PSTPIP1: variants seen among roughly 807,000 people sequenced by gnomAD.
The protein encoded by PSTPIP1 is proline-serine-threonine phosphatase interacting protein 1.
A neutral mutation model predicts 69.6 loss-of-function variants in PSTPIP1; 66 were observed. The ratio of observed to expected loss-of-function variants is 0.95; its 90% CI spans 0.78 to 1.16. The LOEUF (loss-of-function observed/expected upper bound fraction) is 1.16. Ranked by LOEUF, PSTPIP1 falls within the 50% of genes most tolerant of loss-of-function variation. PSTPIP1 has a pLI of 0.00. For synonymous variants in PSTPIP1, 266 were observed against 222.7 expected, an observed-to-expected ratio of 1.19 and a Z score of -1.73; for missense variants, 603 against 557.4, an observed-to-expected ratio of 1.08 and a Z score of -0.82.
chr15:77,017,752 C>T (rs977990120), intron 1 of PSTPIP1, among the ~76,000 whole-genome samples: 2 of 152,224 alleles, frequency 1.3e-5, no homozygotes, highest in African/African-American at 4.8e-5. Context: ...CTCGGTTTCC[C>T]CACTTAGCTG....
intron 11 of PSTPIP1, 54 bp from the exon 12 acceptor site, chr15:77,032,808 G>A: frequency 1.4e-6 from 2 of 1,453,502 alleles, no homozygotes; most frequent in Non-Finnish European, 1.9e-6. Context: ...AGTCTGGCAG[G>A]GCCAGAATGG....
At chr15:77,006,921 C>T (rs1393658438) in intron 1 of PSTPIP1, among the ~76,000 whole-genome samples, 2 of 152,152 alleles carry the variant, frequency 1.3e-5, no homozygotes, top group Non-Finnish European at 2.9e-5. Flanking sequence ...TGTTTTGGCT[C>T]TTTGGGGGCC....
Position 77,037,083 on chromosome 15 carries a change from G to A in PSTPIP1, c.1158G>A (p.Leu386=), listed in dbSNP as rs752462668. The A allele has an allele frequency of 2.7e-5, 43 of 1,612,286 alleles. No homozygotes were observed. Among genetic ancestry groups the A allele is most frequent in the Non-Finnish European group, 1.6e-5 (19 of 1,179,700 alleles). The change falls in exon 15 of 15, where the codon CTG becomes CTA. Residue 386 remains leucine (L), a synonymous_variant. Coordinates refer to ENST00000558012, the MANE Select transcript of PSTPIP1 (RefSeq NM_003978.5). Reference sequence around the variant, plus strand: ...TGGACCTGTCCGCGGGAGACATCCTGGAGGTGATCCTGGAAGGGGAGGATG... The same window carrying A: ...TGGACCTGTCCGCGGGAGACATCCTAGAGGTGATCCTGGAAGGGGAGGATG... The part of the protein sequence containing the change: ...DELDLSAGDI[L]EVILEGEDGW...
chr15:77,027,964 G>T lies in PSTPIP1; in HGVS notation c.417+50G>T, dbSNP rs1399818106. ...GGCCTTCCCTCGAGGAGCAGCGCAG[G>T]TCTCAGGGTGCGATCCTGGGCTGTG... is the stretch of plus-strand genomic sequence containing the variant. On this transcript the variant is annotated intron_variant, in intron 6 of 14. Coordinates refer to ENST00000558012, the MANE Select transcript of PSTPIP1 (RefSeq NM_003978.5). The surrounding 1 kb of genome is among the most constrained non-coding windows in gnomAD (Gnocchi z 4.3). The T allele has an allele frequency of 3.4e-6, 5 of 1,471,438 alleles. No homozygotes were observed. The African/African-American group carries it at 4.2e-5, about 12-fold the overall frequency. The allele number at this position is 1,471,438 out of a possible 1,614,324, so 91.1% of individuals were successfully genotyped here.
At chr15:76,995,694 C>T (rs1004214516) in intron 1 of PSTPIP1, 85 bp downstream of exon 1, 1 of 1,603,890 alleles carries the variant, frequency 6.2e-7, no homozygotes, top group African/African-American at 1.3e-5. Context: ...GGATGCGGCT[C>T]CGAGAGGGGA....
Position 77,027,732 on chromosome 15 carries a change from C to A in PSTPIP1, c.355-120C>A. ...CTCTGGGGGAGGGAGGGCAGCCTGT[C>A]ACCCTCTCTCCAGAGCCAGGAGAGG... On this transcript the variant is annotated intron_variant, in intron 5 of 14. Transcript: ENST00000558012. This position sits in a 1 kb window ranked among gnomAD's most constrained non-coding sequence, Gnocchi z 4.3. 8.4e-7 allele frequency: 1 copy of A among 1,187,322 alleles called. No homozygotes were observed. The highest frequency in any genetic ancestry group is 1.2e-6 in the Non-Finnish European group (1 of 820,920). 73.5% of individuals were successfully genotyped at this position (1,187,322 alleles called of 1,614,324 possible). A position where few individuals can be genotyped will look rare whatever the true frequency, so the allele number is the denominator to read the frequency against.
chr15:77,018,582 C>T, intron 3 of PSTPIP1, 51 bp downstream of exon 3: 7 of 1,501,174 alleles, frequency 4.7e-6, no homozygotes, highest in Non-Finnish European at 6.3e-6. Context: ...CTGGCAGTTT[C>T]TGGGCCTTTA....
chr15:77,032,479 C>G, intron 11 of PSTPIP1, 85 bp downstream of exon 11: 1 of 1,441,350 alleles, frequency 6.9e-7, no homozygotes, highest in Non-Finnish European at 9.7e-7. Context: ...GTGCCAGGAC[C>G]GGGCTGGGGT....
intron 1 of PSTPIP1, among the ~76,000 whole-genome samples, chr15:77,006,699 C>A (rs753473855): frequency 4.6e-5 from 7 of 152,180 alleles, no homozygotes; most frequent in Admixed American, 1.3e-4. Context: ...TTGTTGAAGT[C>A]TGTCCTTTTC....
At chr15:77,012,112 GCC>G (rs2075947029) in intron 1 of PSTPIP1, among the ~76,000 whole-genome samples, 1 of 88,462 alleles carries the variant, frequency 1.1e-5, no homozygotes, top group Non-Finnish European at 2.1e-5. Flanking sequence ...GAGGGCTCTG[GCC>G]ATCCATCCAT....
intron 11 of PSTPIP1, 150 bp downstream of exon 11, chr15:77,032,544 G>T: frequency 1.3e-6 from 1 of 773,312 alleles, no homozygotes; most frequent in African/African-American, 1.7e-5. Context: ...TGGGGAGTTG[G>T]GTCCCAGGCC....
chr15:77,001,844 G>GGTTGC (rs1596044513), intron 1 of PSTPIP1, among the ~76,000 whole-genome samples: 1 of 152,204 alleles, frequency 6.6e-6, no homozygotes, highest in East Asian at 1.9e-4. Context: ...TAATTAAAGT[G>GGTTGC]GTTGCCTGTT....
In PSTPIP1 at chr15:77,001,179, A is replaced by G. The variant is rs568686190; in HGVS notation, c.36+5570A>G. ...ATTTATTATTCTGGACAGTGACACC[A>G]TGGGTAGATCTTTGACTATAAAGGT... On this transcript the variant is annotated intron_variant, in intron 1 of 14. Coordinates refer to ENST00000558012, the MANE Select transcript of PSTPIP1 (RefSeq NM_003978.5). Among the ~76,000 whole-genome samples the G allele has an allele frequency of 5.9e-5, 9 of 152,340 alleles. No homozygotes were observed. In the East Asian group the frequency reaches 1.5e-3, roughly 26 times the overall value.
intron 6 of PSTPIP1, chr15:77,028,193 C>A: frequency 1.9e-6 from 1 of 526,094 alleles, no homozygotes; most frequent in Non-Finnish European, 3.4e-6. Context: ...GGAGGAGGGA[C>A]CCCTGAGCTT....
chr15:77,031,220 G>T lies in PSTPIP1; in HGVS notation c.683G>T (p.Arg228Leu), dbSNP rs1386762740. The T allele has an allele frequency of 6.2e-7, 1 of 1,613,030 alleles. No homozygotes were observed. Among genetic ancestry groups the T allele is most frequent in the Non-Finnish European group, 8.5e-7 (1 of 1,179,664 alleles). Residue 228 changes from arginine (R) to leucine (L), a missense_variant, in exon 10 of 15, where the codon CGC becomes CTC. Transcript: ENST00000558012. ...GAGTTTGACCGGCTGACCATTCTCC[G>T]CAACGCCCTGTGGGTGCACAGCAAC... ...LQEFDRLTIL[R>L]NALWVHSNQL...
At chr15:77,020,877 G>C (rs539056549) in intron 3 of PSTPIP1, among the ~76,000 whole-genome samples, 6 of 142,406 alleles carry the variant, frequency 4.2e-5, no homozygotes, top group African/African-American at 1.0e-4. Flanking sequence ...GTGGGGGGGG[G>C]GGGTGTGTGT....
At chr15:77,031,115 G>C in intron 9 of PSTPIP1, 65 bp from the exon 10 acceptor site, 1 of 1,475,278 alleles carries the variant, frequency 6.8e-7, no homozygotes, top group African/African-American at 1.4e-5. Context: ...GCTGTGAATG[G>C]GGCCCAGCCT....
chr15:77,035,131 G>A (rs2076525930), intron 12 of PSTPIP1, among the ~76,000 whole-genome samples: 1 of 152,214 alleles, frequency 6.6e-6, no homozygotes, highest in Non-Finnish European at 1.5e-5. Flanking sequence ...GGTGAGGACT[G>A]GGCATCTTCC....
intron 5 of PSTPIP1, chr15:77,026,197 G>T (rs376692150): frequency 2.2e-6 from 1 of 455,956 alleles, no homozygotes; most frequent in Non-Finnish European, 4.4e-6. Flanking sequence ...GCTGGCAGAT[G>T]CTTGTCAGGG....
Sources: allele counts gnomAD v4.1 joint callset (sites outside exome capture counted in the v4.1 genomes callset), GRCh38; gene constraint gnomAD v4.1.1; non-coding constraint Gnocchi (gnomAD v3.1); transcripts MANE v1.5; gene names NCBI Gene and HGNC (gene_info 2026-07-23, HGNC 2026-07-21).